ASXL3: variants seen among roughly 807,000 people sequenced by gnomAD.
ASXL3 encodes ASXL transcriptional regulator 3, also known as putative Polycomb group protein ASXL3.
ASXL3 carries 34 observed loss-of-function variants against 170.6 expected under a neutral mutation model. The ratio of observed to expected loss-of-function variants is 0.20; its 90% confidence interval spans 0.15 to 0.27. The LOEUF (loss-of-function observed/expected upper bound fraction) is 0.27. ASXL3 is among the 10% of genes least tolerant of loss of function. ASXL3 has a pLI of 1.00. For synonymous variants in ASXL3, 1,002 were observed against 989.1 expected (o/e 1.01, Z -0.24); for missense variants, 2,592 against 2,695.3 (o/e 0.96, Z 0.85).
intron 2 of ASXL3, among the ~76,000 whole-genome samples, chr18:33,615,302 C>T (rs141911651): frequency 2.5e-4 from 38 of 152,218 alleles, no homozygotes; most frequent in Non-Finnish European, 5.3e-4. Context: ...CCAAACTTTG[C>T]TAGCTTCTAA....
chr18:33,716,253 A>G (rs1238102647), intron 8 of ASXL3, among the ~76,000 whole-genome samples: 2 of 152,178 alleles, frequency 1.3e-5, no homozygotes, highest in African/African-American at 4.8e-5. Flanking sequence ...AGAAAAGCAG[A>G]CCCGTGGAAC....
chr18:33,595,828 C>T (rs945546358), intron 1 of ASXL3, among the ~76,000 whole-genome samples: 2 of 152,178 alleles, frequency 1.3e-5, no homozygotes, highest in African/African-American at 4.8e-5. Flanking sequence ...TCCCCAACTC[C>T]AGCCATCCCT....
chr18:33,697,730 A>G (rs1334031877), intron 8 of ASXL3, among the ~76,000 whole-genome samples: 1 of 152,104 alleles, frequency 6.6e-6, no homozygotes, highest in Non-Finnish European at 1.5e-5. Flanking sequence ...ATGGCCCAGC[A>G]CAGTGACTCA....
At chr18:33,583,997 G>A (rs2065014219) in intron 1 of ASXL3, among the ~76,000 whole-genome samples, 1 of 152,120 alleles carries the variant, frequency 6.6e-6, no homozygotes, top group Non-Finnish European at 1.5e-5. Context: ...TGACTGAGCT[G>A]ACACCATCTG....
At chr18:33,618,332 G>T (rs2065460300) in intron 2 of ASXL3, among the ~76,000 whole-genome samples, 1 of 152,068 alleles carries the variant, frequency 6.6e-6, no homozygotes, top group South Asian at 2.1e-4. Flanking sequence ...TGCAGTGCAA[G>T]ATGTCTATAT....
intron 8 of ASXL3, among the ~76,000 whole-genome samples, chr18:33,685,185 T>C (rs1249669757): frequency 6.6e-6 from 1 of 152,100 alleles, no homozygotes; most frequent in African/African-American, 2.4e-5. Flanking sequence ...AACATGAAAG[T>C]AGAAAGAATA....
intron 2 of ASXL3, among the ~76,000 whole-genome samples, chr18:33,625,530 A>G (rs1167724165): frequency 1.3e-5 from 2 of 152,158 alleles, no homozygotes; most frequent in African/African-American, 4.8e-5. Context: ...AATTCTTTGC[A>G]TTATCCTTAG....
chr18:33,626,300 AGTT>A (rs1313613766), intron 2 of ASXL3, among the ~76,000 whole-genome samples: 2 of 152,020 alleles, frequency 1.3e-5, no homozygotes, highest in Non-Finnish European at 2.9e-5. Flanking sequence ...TACCATTTCA[AGTT>A]GTTGTTCCTT....
chr18:33,633,496 A>C (rs2065713243), intron 2 of ASXL3, among the ~76,000 whole-genome samples: 1 of 152,194 alleles, frequency 6.6e-6, no homozygotes, highest in Admixed American at 6.5e-5. Context: ...AAATTACATT[A>C]ATGCCTTATA....
At chr18:33,622,388 C>T (rs2065529045) in intron 2 of ASXL3, among the ~76,000 whole-genome samples, 1 of 152,074 alleles carries the variant, frequency 6.6e-6, no homozygotes, top group African/African-American at 2.4e-5. Context: ...TTTTATTAAA[C>T]CCTTTGCATT....
intron 2 of ASXL3, among the ~76,000 whole-genome samples, chr18:33,637,860 GC>G (rs2065791858): frequency 1.3e-5 from 2 of 152,064 alleles, no homozygotes; most frequent in Non-Finnish European, 2.9e-5. Context: ...TTTGCAGCAT[GC>G]CTCAAGGCTG....
In ASXL3 at chr18:33,747,694, T is replaced by C. The variant is rs930192453; in HGVS notation, c.*1099T>C. On this transcript the variant is annotated 3_prime_UTR_variant, in exon 12 of 12. Transcript: ENST00000269197. ...ACATTTTTCAGAACAATTGCTTTTCTCATTATTTACAACCTATATAATTCA... is the reference window on the plus strand; with the variant it reads ...ACATTTTTCAGAACAATTGCTTTTCCCATTATTTACAACCTATATAATTCA... 1.3e-5 allele frequency: 2 copies of C among 152,230 alleles called. No homozygotes were observed. Among genetic ancestry groups the C allele is most frequent in the Non-Finnish European group, 2.9e-5 (2 of 68,036 alleles). The allele number at this position is 152,230 out of a possible 1,614,324, so 9.4% of individuals were successfully genotyped here. A position where few individuals can be genotyped will look rare whatever the true frequency, so the allele number is the denominator to read the frequency against.
Position 33,676,222 on chromosome 18 carries a change from C to CAAAAAAAAAAAAAAAAAAAAA in ASXL3, c.715+4361_715+4381dup, listed in dbSNP as rs568221465. Among the ~76,000 whole-genome samples the CAAAAAAAAAAAAAAAAAAAAA allele has an allele frequency of 4.8e-3, 200 of 41,706 alleles. 25 individuals are homozygous for CAAAAAAAAAAAAAAAAAAAAA. Among genetic ancestry groups the CAAAAAAAAAAAAAAAAAAAAA allele is most frequent in the Admixed American group, 7.0e-3 (21 of 3,020 alleles). The allele number at this position is 41,706 out of a possible 152,430, so 27.4% of individuals were successfully genotyped here. A position where few individuals can be genotyped will look rare whatever the true frequency, so the allele number is the denominator to read the frequency against. On this transcript the variant is annotated intron_variant, in intron 7 of 11. Transcript: ENST00000269197. ...CTGGGTGACGAGCGAGACTCCGTCTCAAAAAAAAAAAAAAAAAAAAAAAAA... is the reference window on the plus strand; with the variant it reads ...CTGGGTGACGAGCGAGACTCCGTCTCAAAAAAAAAAAAAAAAAAAAAAAAAAAAAAAAAAAAAAAAAAAAAA...
chr18:33,713,185 A>AG (rs2067098117), intron 8 of ASXL3, among the ~76,000 whole-genome samples: 2 of 139,840 alleles, frequency 1.4e-5, no homozygotes, highest in Non-Finnish European at 3.0e-5. Context: ...TACAAGAATG[A>AG]GGGGGAGAAT....
At chr18:33,654,067 C>G (rs1185786171) in intron 4 of ASXL3, among the ~76,000 whole-genome samples, 1 of 151,988 alleles carries the variant, frequency 6.6e-6, no homozygotes, top group African/African-American at 2.4e-5. Context: ...TCAATTTTAA[C>G]AGTCCAGAGT....
chr18:33,686,581 G>T (rs1039674904), intron 8 of ASXL3, among the ~76,000 whole-genome samples: 1 of 152,152 alleles, frequency 6.6e-6, no homozygotes, highest in Non-Finnish European at 1.5e-5. Flanking sequence ...ACAAAGGAAA[G>T]GCATGCCATT....
intron 6 of ASXL3, 30 bp downstream of exon 6, chr18:33,670,820 C>T: frequency 7.1e-7 from 1 of 1,401,570 alleles, no homozygotes; most frequent in Non-Finnish European, 9.6e-7. Flanking sequence ...TATGCTTGGC[C>T]AGTTTCTTCC....
rs368412183 is a variant in ASXL3, at chr18:33,683,658, A to G, written c.879+90A>G. 1.7e-5 allele frequency: 22 copies of G among 1,261,018 alleles called. No individual in the cohort carries two copies. The African/African-American group carries it at 3.0e-4, about 17-fold the overall frequency. 78.1% of individuals were successfully genotyped at this position (1,261,018 alleles called of 1,614,324 possible). A position where few individuals can be genotyped will look rare whatever the true frequency, so the allele number is the denominator to read the frequency against. ...ATTATCAAAGATGACTTATATATGG[A>G]TATAGTAATTTCTGTAATTTATGCA... On this transcript the variant is annotated intron_variant, in intron 8 of 11. Transcript: ENST00000269197.
At chr18:33,727,988 T>C (rs2067377811) in intron 8 of ASXL3, among the ~76,000 whole-genome samples, 1 of 152,180 alleles carries the variant, frequency 6.6e-6, no homozygotes, top group Non-Finnish European at 1.5e-5. Flanking sequence ...CTGCCTTGCA[T>C]TTCCATGTGC....
Sources: gnomAD v4.1 joint callset for allele counts (sites outside exome capture counted in the v4.1 genomes callset) on GRCh38, gnomAD v4.1.1 for gene constraint, MANE v1.5 for transcripts, NCBI Gene and HGNC (gene_info 2026-07-23, HGNC 2026-07-21) for gene names.